The following CHD2 variants were observed in gnomAD, a reference collection of about 807,000 sequenced individuals.
CHD2 encodes chromodomain helicase DNA binding protein 2, also known as ATP-dependent chromatin remodeler CHD2.
Under a neutral mutation model 243.9 loss-of-function variants are expected in CHD2, and 28 were observed. The observed-to-expected ratio is 0.11, with a 90% confidence interval of 0.09 to 0.16. The LOEUF (loss-of-function observed/expected upper bound fraction) is 0.16. CHD2 is among the 10% of genes least tolerant of loss of function. The pLI, the probability that CHD2 is intolerant of heterozygous loss-of-function variation, is 1.00. For synonymous variants in CHD2, 775 were observed against 779.0 expected (o/e 0.99, Z 0.09); for missense variants, 1,386 against 2,209.8 (o/e 0.63, Z 7.47).
rs184542427 is a variant in CHD2 at position 93,004,289 on chromosome 15, A to G, written c.4279-328A>G. ...AATAAAGGTTGCTACATGATACTCT[A>G]GAGAGTTCTGCCAATTTACAAGCTT... is the stretch of plus-strand genomic sequence containing the variant. On this transcript the variant is annotated intron_variant, in intron 33 of 38. Transcript: ENST00000394196. Among the ~76,000 whole-genome samples the G allele has an allele frequency of 1.1e-4, 17 of 152,300 alleles. No individual in the cohort carries two copies. The East Asian group carries it at 3.3e-3, about 29-fold the overall frequency.
At chr15:92,918,615 T>C (rs2052887614) in intron 2 of CHD2, among the ~76,000 whole-genome samples, 1 of 152,164 alleles carries the variant, frequency 6.6e-6, no homozygotes, top group African/African-American at 2.4e-5. Context: ...CCCTTTCTAT[T>C]AGTCTTGTGG....
intron 33 of CHD2, 114 bp from the exon 34 acceptor site, chr15:93,004,503 T>C: frequency 9.9e-7 from 1 of 1,012,924 alleles, no homozygotes; most frequent in African/African-American, 1.6e-5. Context: ...TTTTAAAAAA[T>C]AAACTGAGAC....
chr15:92,904,740 T>C, intron 2 of CHD2: 2 of 1,394,638 alleles, frequency 1.4e-6, no homozygotes, highest in Admixed American at 3.1e-5. Context: ...TGCCCAGTTT[T>C]ACATTTTCCC....
chr15:92,976,720 G>A (rs1053066180), intron 20 of CHD2, among the ~76,000 whole-genome samples: 1 of 150,682 alleles, frequency 6.6e-6, no homozygotes, highest in Non-Finnish European at 1.5e-5. Context: ...TAGGCCCATA[G>A]CAAGACCCTA....
Position 93,004,611 on chromosome 15 carries a change from T to A in CHD2, c.4279-6T>A. 1 of 1,608,110 alleles carries A rather than the reference T, an allele frequency of 6.2e-7. No homozygotes were observed. Among genetic ancestry groups the A allele is most frequent in the Non-Finnish European group, 8.5e-7 (1 of 1,176,268 alleles). On this transcript the variant is annotated splice_region_variant and splice_polypyrimidine_tract_variant and intron_variant, in intron 33 of 38. Coordinates refer to ENST00000394196, the MANE Select transcript of CHD2 (RefSeq NM_001271.4). ...ACAATGACTCCTTGTAACTCTTTTT[T>A]AAAAGCCTAAAAGTGGTGATGCCAA...
intron 2 of CHD2, chr15:92,901,924 T>G (rs2052534222): frequency 1.7e-5 from 6 of 347,932 alleles, no homozygotes; most frequent in African/African-American, 2.1e-5. Flanking sequence ...ATCAAAACCT[T>G]TACTTGATGG....
chr15:92,997,537 C>T lies in CHD2; in HGVS notation c.3885+134C>T. On this transcript the variant is annotated intron_variant, in intron 30 of 38. Transcript: ENST00000394196. This position sits in a 1 kb window ranked among gnomAD's most constrained non-coding sequence, Gnocchi z 4.1. ...GTATAGTCATTCTTGGAAATACTTC[C>T]ATCTTTAGCAGATTGTGGCACTGTT... The T allele has an allele frequency of 1.3e-6, 1 of 776,804 alleles. No individual in the cohort carries two copies. The highest frequency in any genetic ancestry group is 1.9e-6 in the Non-Finnish European group (1 of 528,960). The allele number at this position is 776,804 out of a possible 1,614,324, so 48.1% of individuals were successfully genotyped here.
intron 17 of CHD2, among the ~76,000 whole-genome samples, chr15:92,968,478 A>G (rs933742628): frequency 3.9e-5 from 6 of 152,238 alleles, no homozygotes; most frequent in African/African-American, 1.2e-4. Context: ...GCAGAGGAAT[A>G]TTGTTTCACA....
chr15:92,997,258 G>C lies in CHD2; in HGVS notation c.3740G>C (p.Cys1247Ser). 1 of 1,614,032 alleles carries C rather than the reference G, an allele frequency of 6.2e-7. No individual in the cohort carries two copies. The highest frequency in any genetic ancestry group is 1.3e-5 in the African/African-American group (1 of 75,024). The change falls in exon 30 of 39, where the codon TGC (cysteine) becomes TCC (serine). Residue 1247 changes from cysteine (C) to serine (S), a missense_variant. Physicochemically the swap from Cys to Ser is moderately radical, Grantham distance 112. Around this residue, in one of 19 missense-constraint regions of CHD2, gnomAD observed 99 missense variants for 176.9 expected, o/e 0.56. Transcript: ENST00000394196. The surrounding 1 kb of genome is among the most constrained non-coding windows in gnomAD (Gnocchi z 4.1). Reference protein sequence around the residue: ...PVDPEEKKKYCLTCRVKAAHF... With the variant: ...PVDPEEKKKYSLTCRVKAAHF... The stretch of plus-strand genomic sequence containing the variant: ...TGTTTTTAAACTTTCTTTAGATACT[G>C]CTTAACCTGTCGTGTCAAAGCTGCA...
intron 2 of CHD2, among the ~76,000 whole-genome samples, chr15:92,908,983 A>G (rs1432706038): frequency 1.3e-5 from 2 of 151,842 alleles, no homozygotes; most frequent in Non-Finnish European, 2.9e-5. Flanking sequence ...GCTGGACATG[A>G]TGGTGGGTGC....
At chr15:92,949,225 T>A in intron 13 of CHD2, 149 bp downstream of exon 13, 2 of 1,464,382 alleles carry the variant, frequency 1.4e-6, no homozygotes, top group Non-Finnish European at 1.8e-6. Context: ...TAAAAGATGA[T>A]TGAGAGAAAT....
intron 13 of CHD2, chr15:92,949,351 T>C: frequency 1.6e-6 from 1 of 634,334 alleles, no homozygotes; most frequent in Non-Finnish European, 2.2e-6. Flanking sequence ...CATCATATGT[T>C]ACTCATGAGT....
intron 26 of CHD2, 157 bp from the exon 27 acceptor site, chr15:92,991,319 A>T (rs573309009): frequency 6.1e-5 from 31 of 504,352 alleles, no homozygotes; most frequent in Admixed American, 3.7e-4. Flanking sequence ...TTTCAAAGAC[A>T]TTCAACATTT....
intron 14 of CHD2, 143 bp from the exon 15 acceptor site, chr15:92,955,280 C>T: frequency 1.9e-6 from 1 of 519,660 alleles, no homozygotes; most frequent in Non-Finnish European, 3.3e-6. Context: ...TTGCTTAGGT[C>T]ATTTTAGAAT....
intron 2 of CHD2, among the ~76,000 whole-genome samples, chr15:92,914,798 TA>T (rs1452680129): frequency 6.6e-6 from 1 of 152,130 alleles, no homozygotes; most frequent in Non-Finnish European, 1.5e-5. Context: ...ACCCCATCTA[TA>T]AAAAAATAGG....
chr15:92,993,515 T>G (rs919221737), intron 28 of CHD2, among the ~76,000 whole-genome samples: 3 of 152,212 alleles, frequency 2.0e-5, no homozygotes, highest in African/African-American at 7.2e-5. Flanking sequence ...ATGCAGTGTG[T>G]TTTCTCTTTG....
intron 26 of CHD2, among the ~76,000 whole-genome samples, chr15:92,987,706 C>T (rs1430287204): frequency 6.6e-6 from 1 of 150,914 alleles, no homozygotes; most frequent in Non-Finnish European, 1.5e-5. Flanking sequence ...AATCTATTTA[C>T]ATTTAATGCA....
intron 5 of CHD2, among the ~76,000 whole-genome samples, chr15:92,935,650 T>A (rs1358896749): frequency 6.6e-6 from 1 of 152,252 alleles, no homozygotes; most frequent in East Asian, 1.9e-4. Context: ...TGTTGTGGAC[T>A]TGGTCTGAGG....
rs2054596602 is a variant in CHD2 at position 93,027,629 on chromosome 15, A to G, written c.*2924A>G. 6.5e-6 allele frequency: 1 copy of G among 152,674 alleles called. No individual in the cohort carries two copies. The highest frequency in any genetic ancestry group is 1.5e-5 in the Non-Finnish European group (1 of 68,072). 9.5% of individuals were successfully genotyped at this position (152,674 alleles called of 1,614,324 possible). A position where few individuals can be genotyped will look rare whatever the true frequency, so the allele number is the denominator to read the frequency against. ...TTAGGAAGTCACACAATGACACTGA[A>G]ATCCTACAGACCAAAATCCACTTGT... On this transcript the variant is annotated 3_prime_UTR_variant, in exon 39 of 39. Transcript: ENST00000394196.
Sources: allele counts gnomAD v4.1 joint callset (sites outside exome capture counted in the v4.1 genomes callset), GRCh38; gene constraint gnomAD v4.1.1; regional missense constraint gnomAD v4.1.1; non-coding constraint Gnocchi (gnomAD v3.1); transcripts MANE v1.5; gene names NCBI Gene and HGNC (gene_info 2026-07-23, HGNC 2026-07-21).